The following GOLGA8R variants were observed in gnomAD, a reference collection of about 807,000 sequenced individuals.
The protein encoded by GOLGA8R is golgin subfamily A member 8R.
In GOLGA8R, 6 loss-of-function variants were observed where a neutral mutation model predicts 21.4. The ratio of observed to expected loss-of-function variants is 0.28; its 90% CI spans 0.15 to 0.55. The LOEUF (loss-of-function observed/expected upper bound fraction) is 0.55, where lower values mean the gene tolerates loss of function less well. GOLGA8R is among the 20% of genes least tolerant of loss of function. The pLI, the probability that GOLGA8R is intolerant of heterozygous loss-of-function variation, is 0.94. For synonymous variants in GOLGA8R, 8 were observed against 49.3 expected (o/e 0.16, Z 3.51); for missense variants, 41 against 139.9 (o/e 0.29, Z 3.57).
rs1243967523 is a variant in GOLGA8R at position 30,402,905 on chromosome 15, C to G, written c.*835G>C. On this transcript the variant is annotated 3_prime_UTR_variant, in exon 19 of 19. Transcript: ENST00000327271. ...TCCACAGTCAACGATGGGAACCTTT[C>G]ATTCCTCAGAAATAAGCCCTTTTTA... Among the ~76,000 whole-genome samples the G allele has an allele frequency of 5.3e-3, 643 of 120,616 alleles. 83 individuals carry two copies. The highest frequency in any genetic ancestry group is 0.019 in the African/African-American group (596 of 31,044). 79.1% of individuals were successfully genotyped at this position (120,616 alleles called of 152,430 possible). A position where few individuals can be genotyped will look rare whatever the true frequency, so the allele number is the denominator to read the frequency against.
chr15:30,409,106 T>C lies in GOLGA8R; in HGVS notation c.591+435A>G, dbSNP rs1433945599. ...CTTGTTCTCTCTCCTGAATTTTTTA[T>C]GAACCCTTGCAGACATGTTTTATGT... On this transcript the variant is annotated intron_variant, in intron 8 of 18. Transcript: ENST00000327271. Among the ~76,000 whole-genome samples, 23 of 6,562 alleles carry C rather than the reference T, an allele frequency of 3.5e-3. 1 individual carries two copies. The highest frequency in any genetic ancestry group is 8.1e-3 in the Admixed American group (2 of 246). The allele number at this position is 6,562 out of a possible 152,430, so 4.3% of individuals were successfully genotyped here. A position where few individuals can be genotyped will look rare whatever the true frequency, so the allele number is the denominator to read the frequency against.
In GOLGA8R at chr15:30,411,154, T is replaced by G; in HGVS notation, c.274A>C (p.Lys92Gln). 4.1e-4 allele frequency: 1 copy of G among 2,454 alleles called. No homozygotes were observed. The highest frequency in any genetic ancestry group is 7.7e-4 in the Non-Finnish European group (1 of 1,296). The allele number at this position is 2,454 out of a possible 1,614,324, so 0.2% of individuals were successfully genotyped here. A position where few individuals can be genotyped will look rare whatever the true frequency, so the allele number is the denominator to read the frequency against. ...ATGGTGTTCTTCAGTCGACTGATTT[T>G]TACGGACGTTGAATCCAGGACTACT... ...RAVVLDSTSV[K>Q]ISRLKNTIKS... Residue 92 changes from lysine (K) to glutamine (Q), a missense_variant, in exon 4 of 19, where the codon AAA becomes CAA. Lys to Gln is a moderately conservative substitution (Grantham distance 53, BLOSUM62 1). Coordinates refer to ENST00000327271, the MANE Select transcript of GOLGA8R (RefSeq NM_001282484.1).
chr15:30,408,343 C>CCTG, intron 9 of GOLGA8R, 48 bp from the exon 10 acceptor site: 1 of 592,158 alleles, frequency 1.7e-6, no homozygotes, highest in African/African-American at 2.2e-5. Context: ...CTGGTCCTCA[C>CCTG]CTGCTCCTGG....
Position 30,403,037 on chromosome 15 carries a change from T to G in GOLGA8R, c.*703A>C, listed in dbSNP as rs1444033887. On this transcript the variant is annotated 3_prime_UTR_variant, in exon 19 of 19. Transcript: ENST00000327271. ...ACCACCATAATACACTGCTAATTCCTGGCACCGGAACAGATGAAACACACT... is the reference window on the plus strand; with the variant it reads ...ACCACCATAATACACTGCTAATTCCGGGCACCGGAACAGATGAAACACACT... Among the ~76,000 whole-genome samples, 8 of 130,368 alleles carry G rather than the reference T, an allele frequency of 6.1e-5. No individual in the cohort carries two copies. The East Asian group carries it at 1.5e-3, about 24-fold the overall frequency. 85.5% of individuals were successfully genotyped at this position (130,368 alleles called of 152,430 possible). A position where few individuals can be genotyped will look rare whatever the true frequency, so the allele number is the denominator to read the frequency against.
chr15:30,407,854 C>T (rs1252700470), intron 11 of GOLGA8R, 54 bp downstream of exon 11: 2 of 1,577,538 alleles, frequency 1.3e-6, no homozygotes, highest in East Asian at 2.2e-5. Context: ...CTAAGCCACC[C>T]TCACAGCCCT....
Position 30,407,984 on chromosome 15 carries a change from T to C in GOLGA8R, c.795A>G (p.Thr265=), listed in dbSNP as rs1354700330. The change falls in exon 11 of 19, where the codon ACA becomes ACG. Residue 265 remains threonine (T), a synonymous_variant. Coordinates refer to ENST00000327271, the MANE Select transcript of GOLGA8R (RefSeq NM_001282484.1). ...RMSKMSQEIC[T]LKKEKQDMRW... The stretch of plus-strand genomic sequence containing the variant: ...GCATATCCTGCTTCTCTTTCTTTAA[T>C]GTGCAAATCTGCCCAAAGCACAGGG... The C allele has an allele frequency of 3.1e-6, 5 of 1,612,534 alleles. No homozygotes were observed. In the East Asian group the frequency reaches 8.9e-5, roughly 29 times the overall value.
intron 2 of GOLGA8R, chr15:30,411,671 T>C (rs1174066941): frequency 7.3e-4 from 1 of 1,378 alleles, no homozygotes; most frequent in African/African-American, 1.4e-3. Flanking sequence ...TTTGTCCTGG[T>C]TTCCCCTTGA....
chr15:30,407,799 C>T (rs1310048123), intron 11 of GOLGA8R, 109 bp downstream of exon 11: 4 of 1,583,950 alleles, frequency 2.5e-6, no homozygotes, highest in Admixed American at 1.7e-5. Context: ...GATCTCTTTC[C>T]CTCTGCCTCA....
At position 30,400,921 on chromosome 15, in the gene GOLGA8R, C is replaced by T. The variant is rs2059048180; in HGVS notation, c.*2819G>A. On this transcript the variant is annotated 3_prime_UTR_variant, in exon 19 of 19. Transcript: ENST00000327271. ...TATGGATAGGGCTGATTTACATTTT[C>T]AAATTTTCTAAAATCAGCTTTGGTT... 4.7e-5 allele frequency among the ~76,000 whole-genome samples: 3 copies of T among 63,274 alleles called. No homozygotes were observed. Among genetic ancestry groups the T allele is most frequent in the African/African-American group, 1.4e-4 (3 of 22,098 alleles). The allele number at this position is 63,274 out of a possible 152,430, so 41.5% of individuals were successfully genotyped here.
At chr15:30,412,557 AC>A (rs1437784224) in intron 1 of GOLGA8R, 109 bp from the exon 2 acceptor site, 1 of 29,790 alleles carries the variant, frequency 3.4e-5, no homozygotes, top group African/African-American at 1.1e-4. Context: ...ATTTAATGAC[AC>A]CAACAACTGT....
At chr15:30,407,714 G>A (rs769554539) in intron 11 of GOLGA8R, among the ~76,000 whole-genome samples, 183 bp from the exon 12 acceptor site, 16 of 152,326 alleles carry the variant, frequency 1.1e-4, no homozygotes, top group African/African-American at 2.9e-4. Flanking sequence ...GGCTGACAAC[G>A]GGCCCTCTTT....
In GOLGA8R at chr15:30,408,200, T is replaced by TAA. The variant is rs1384168736; in HGVS notation, c.773_774insTT (p.Lys258AsnfsTer2). 1.2e-6 allele frequency: 1 copy of TAA among 829,244 alleles called. No homozygotes were observed. The highest frequency in any genetic ancestry group is 1.7e-5 in the African/African-American group (1 of 59,122). The allele number at this position is 829,244 out of a possible 1,614,324, so 51.4% of individuals were successfully genotyped here. A position where few individuals can be genotyped will look rare whatever the true frequency, so the allele number is the denominator to read the frequency against. ...GGTCAGATCTCACCTCCTGCGACATTTTACTCATCCTCTGATGCCACCGGG... is the reference window on the plus strand; with the variant it reads ...GGTCAGATCTCACCTCCTGCGACATTAATTACTCATCCTCTGATGCCACCGGG... On this transcript the variant is annotated frameshift_variant, in exon 10 of 19. Coordinates refer to ENST00000327271, the MANE Select transcript of GOLGA8R (RefSeq NM_001282484.1). LOFTEE classifies it high-confidence loss of function.
chr15:30,404,229 C>CCCCCCAA, intron 17 of GOLGA8R, 23 bp downstream of exon 17: 1 of 3,256 alleles, frequency 3.1e-4, no homozygotes, highest in Non-Finnish European at 7.1e-4. Context: ...CCCCCACCCC[C>CCCCCCAA]ACAGAGATGT....
rs1012959976 is a variant in GOLGA8R at position 30,403,149 on chromosome 15, C to T, written c.*591G>A. On this transcript the variant is annotated 3_prime_UTR_variant, in exon 19 of 19. Coordinates refer to ENST00000327271, the MANE Select transcript of GOLGA8R (RefSeq NM_001282484.1). Reference sequence around the variant, plus strand: ...CCCCAAAAGGTTATCACTCCCATCACCAATACACAGAAAATGGAGGAAAGG... The same window carrying T: ...CCCCAAAAGGTTATCACTCCCATCATCAATACACAGAAAATGGAGGAAAGG... Among the ~76,000 whole-genome samples the T allele has an allele frequency of 8.9e-6, 1 of 111,928 alleles. No individual in the cohort carries two copies. The highest frequency in any genetic ancestry group is 3.4e-5 in the African/African-American group (1 of 29,060). The allele number at this position is 111,928 out of a possible 152,430, so 73.4% of individuals were successfully genotyped here. A position where few individuals can be genotyped will look rare whatever the true frequency, so the allele number is the denominator to read the frequency against.
At chr15:30,411,961 C>CT (rs2059127776) in intron 2 of GOLGA8R, 1 of 157,208 alleles carries the variant, frequency 6.4e-6, no homozygotes, top group African/African-American at 3.9e-5. Context: ...TGCTCTGTCA[C>CT]CAGGCTGGAG....
At chr15:30,408,047 G>C (rs2059101940) in intron 10 of GOLGA8R, 55 bp from the exon 11 acceptor site, 10 of 1,600,730 alleles carry the variant, frequency 6.2e-6, no homozygotes, top group Non-Finnish European at 8.6e-6. Flanking sequence ...TGGCTGGACA[G>C]GCTGCCCTCT....
rs1595528134 is a variant in GOLGA8R, at chr15:30,407,939, C to G, written c.840G>C (p.Glu280Asp). 6.2e-7 allele frequency: 1 copy of G among 1,609,590 alleles called. No individual in the cohort carries two copies. Among genetic ancestry groups the G allele is most frequent in the South Asian group, 1.1e-5 (1 of 91,014 alleles). Residue 280 changes from glutamate to aspartate, a missense_variant, in exon 11 of 19, where the codon GAG becomes GAC. Coordinates refer to ENST00000327271, the MANE Select transcript of GOLGA8R (RefSeq NM_001282484.1). ...GGTTTTTGAGTTTGGACAAGCTCCA[C>G]TCCAGCTGCTCTACCCAACGCATAT... ...KQDMRWVEQL[E>D]WSLSKLKNQT...
intron 8 of GOLGA8R, among the ~76,000 whole-genome samples, chr15:30,409,082 T>C (rs1276022135): frequency 4.2e-3 from 22 of 5,296 alleles, no homozygotes; most frequent in Admixed American, 5.3e-3. Context: ...CCCAGCCATC[T>C]TGTTCTCTCT....
At position 30,400,994 on chromosome 15, in the gene GOLGA8R, C is replaced by G. The variant is rs2059048505; in HGVS notation, c.*2746G>C. ...TTTCTGGAAAATTATCAGGTTTAAT[C>G]AAATACTTTTAAAATGATTATTATA... On this transcript the variant is annotated 3_prime_UTR_variant, in exon 19 of 19. Coordinates refer to ENST00000327271, the MANE Select transcript of GOLGA8R (RefSeq NM_001282484.1). Among the ~76,000 whole-genome samples the G allele has an allele frequency of 1.9e-5, 1 of 52,338 alleles. No homozygotes were observed. Among genetic ancestry groups the G allele is most frequent in the African/African-American group, 6.0e-5 (1 of 16,594 alleles). The allele number at this position is 52,338 out of a possible 152,430, so 34.3% of individuals were successfully genotyped here. A position where few individuals can be genotyped will look rare whatever the true frequency, so the allele number is the denominator to read the frequency against.
Sources: gnomAD v4.1 joint callset for allele counts (sites outside exome capture counted in the v4.1 genomes callset) on GRCh38, gnomAD v4.1.1 for gene constraint, MANE v1.5 for transcripts, NCBI Gene and HGNC (gene_info 2026-07-23, HGNC 2026-07-21) for gene names.